Variants in DLC1 observed in about 807,000 individuals in gnomAD.
DLC1 encodes the protein rho GTPase-activating protein 7.
In DLC1, 54 loss-of-function variants were observed where a neutral mutation model predicts 140.3. The observed-to-expected ratio is 0.38, with a 90% confidence interval of 0.31 to 0.48. The LOEUF is 0.48. Among genes scored for constraint, DLC1 ranks in the 20% least tolerant of loss-of-function variants. The pLI, the probability that DLC1 is intolerant of heterozygous loss-of-function variation, is 0.96. For missense variants in DLC1, 2,536 were observed against 1,907.0 expected, an observed-to-expected ratio of 1.33 and a Z score of -6.14; for synonymous variants, 986 against 728.1, an observed-to-expected ratio of 1.35 and a Z score of -5.70.
At chr8:13,441,514 C>G (rs1798509616) in intron 2 of DLC1, among the ~76,000 whole-genome samples, 1 of 152,206 alleles carries the variant, frequency 6.6e-6, no homozygotes, top group Non-Finnish European at 1.5e-5. Flanking sequence ...AGCAAAGTCT[C>G]AGGATACAAA....
At chr8:13,455,926 A>G in intron 2 of DLC1, among the ~76,000 whole-genome samples, 1 of 152,212 alleles carries the variant, frequency 6.6e-6, no homozygotes, top group East Asian at 1.9e-4. Flanking sequence ...TATGGAACTG[A>G]AACAATGTAG....
intron 5 of DLC1, among the ~76,000 whole-genome samples, chr8:13,283,662 A>C (rs932756034): frequency 1.3e-5 from 2 of 152,108 alleles, no homozygotes; most frequent in Non-Finnish European, 2.9e-5. Context: ...CTACAGGCGC[A>C]CACCACTATG....
intron 5 of DLC1, among the ~76,000 whole-genome samples, chr8:13,263,005 C>A (rs1454593835): frequency 6.6e-6 from 1 of 152,146 alleles, no homozygotes; most frequent in African/African-American, 2.4e-5. Flanking sequence ...TGAAGTGTTA[C>A]TAGTGCATTT....
At chr8:13,099,295 G>C in intron 9 of DLC1, 52 bp downstream of exon 9, 1 of 1,561,274 alleles carries the variant, frequency 6.4e-7, no homozygotes, top group Non-Finnish European at 8.6e-7. Context: ...CACAGGCAAT[G>C]TCTTTCTGAC....
chr8:13,596,728 G>A (rs1177915237), intron 1 of DLC1, among the ~76,000 whole-genome samples: 2 of 151,842 alleles, frequency 1.3e-5, no homozygotes, highest in Admixed American at 6.6e-5. Flanking sequence ...TAAAACCCTG[G>A]CATATGGGCC....
intron 1 of DLC1, among the ~76,000 whole-genome samples, chr8:13,504,187 C>T (rs1001384660): frequency 4.1e-5 from 6 of 145,418 alleles, no homozygotes; most frequent in South Asian, 2.2e-4. Context: ...AGTGCAATGG[C>T]GCCATCTCAG....
chr8:13,273,557 T>C (rs1213380330), intron 5 of DLC1, among the ~76,000 whole-genome samples: 1 of 152,286 alleles, frequency 6.6e-6, no homozygotes, highest in African/African-American at 2.4e-5. Flanking sequence ...CTGTATATTG[T>C]TTATAAAAGG....
At chr8:13,195,367 A>G (rs2117043169) in intron 5 of DLC1, among the ~76,000 whole-genome samples, 1 of 152,326 alleles carries the variant, frequency 6.6e-6, no homozygotes, top group African/African-American at 2.4e-5. Context: ...TCATGTTCTT[A>G]CAGGTAGCAA....
intron 4 of DLC1, among the ~76,000 whole-genome samples, chr8:13,355,044 T>C (rs923430219): frequency 3.3e-5 from 5 of 151,970 alleles, no homozygotes; most frequent in African/African-American, 1.2e-4. Flanking sequence ...TTGGGAGAGT[T>C]ATAGTCATAA....
At position 13,401,597 on chromosome 8, in the gene DLC1, C is replaced by T. The variant is rs1563317299; in HGVS notation, c.1046G>A (p.Arg349Lys). 9.3e-6 allele frequency: 15 copies of T among 1,613,566 alleles called. No individual in the cohort carries two copies. Among genetic ancestry groups the T allele is most frequent in the South Asian group, 1.1e-5 (1 of 91,026 alleles). The change falls in exon 3 of 18, where the codon AGG becomes AAG. Residue 349 changes from arginine (R) to lysine (K), a missense_variant. Coordinates refer to ENST00000276297, the MANE Select transcript of DLC1 (RefSeq NM_182643.3). ...CAGCACCATGGAGTCCAGCCGCGCC[C>T]TATCTCGATCTTCTCTTATTTCCTG... ...KRKEIREDRD[R>K]ARLDSMVLLI... is the part of the protein sequence containing the mutation.
chr8:13,491,821 C>T (rs1010392644), intron 2 of DLC1, among the ~76,000 whole-genome samples: 4 of 152,268 alleles, frequency 2.6e-5, no homozygotes, highest in Middle Eastern at 3.4e-3. Context: ...AGTTCTTCTG[C>T]ATCTTTATAA....
intron 2 of DLC1, among the ~76,000 whole-genome samples, chr8:13,448,062 T>C (rs1798866009): frequency 1.3e-5 from 2 of 152,216 alleles, no homozygotes; most frequent in African/African-American, 4.8e-5. Context: ...ATGACTTTAC[T>C]ATGCTGAAGA....
At chr8:13,442,184 A>T (rs1032493110) in intron 2 of DLC1, among the ~76,000 whole-genome samples, 1 of 152,220 alleles carries the variant, frequency 6.6e-6, no homozygotes, top group Non-Finnish European at 1.5e-5. Context: ...CTTTCCTTAC[A>T]CCTTAGACAA....
intron 5 of DLC1, among the ~76,000 whole-genome samples, chr8:13,245,804 G>A (rs1245975311): frequency 3.3e-5 from 5 of 152,048 alleles, no homozygotes; most frequent in Non-Finnish European, 7.4e-5. Flanking sequence ...GGGTTCAAGC[G>A]ATTCTCTTGC....
In DLC1 at chr8:13,369,973, T is replaced by C. The variant is rs527279106; in HGVS notation, c.1314+23580A>G. Among the ~76,000 whole-genome samples, 148 of 149,896 alleles carry C rather than the reference T, an allele frequency of 9.9e-4. 3 individuals are homozygous for C. Among genetic ancestry groups the C allele is most frequent in the African/African-American group, 3.5e-3 (144 of 40,742 alleles). On this transcript the variant is annotated intron_variant, in intron 4 of 17. Coordinates refer to ENST00000276297, the MANE Select transcript of DLC1 (RefSeq NM_182643.3). ...CAAAGTCCCTACAAGGCCTCTGAGG[T>C]CTTTGGGACTGGTCACTCCTCCTCG...
chr8:13,389,303 T>TATTA (rs1181656254), intron 4 of DLC1, among the ~76,000 whole-genome samples: 5 of 152,106 alleles, frequency 3.3e-5, no homozygotes, highest in African/African-American at 1.2e-4. Context: ...AACAATCCTA[T>TATTA]ATTAATACCA....
chr8:13,140,627 A>G (rs1186295925), intron 5 of DLC1, among the ~76,000 whole-genome samples: 2 of 151,986 alleles, frequency 1.3e-5, no homozygotes, highest in Non-Finnish European at 2.9e-5. Flanking sequence ...CATTTCTTAT[A>G]CAAATATTTT....
chr8:13,453,386 G>GAATATATATATATAT, intron 2 of DLC1, among the ~76,000 whole-genome samples: 1 of 55,556 alleles, frequency 1.8e-5, no homozygotes, highest in East Asian at 1.7e-3. Context: ...AGATGGCCCA[G>GAATATATATATATAT]GATATATATA....
chr8:13,598,047 G>A (rs1805739691), intron 1 of DLC1, among the ~76,000 whole-genome samples: 1 of 152,040 alleles, frequency 6.6e-6, no homozygotes, highest in South Asian at 2.1e-4. Flanking sequence ...GGTCTGTCCT[G>A]TTTCTAAGTA....
Sources: gnomAD v4.1 joint callset for allele counts (sites outside exome capture counted in the v4.1 genomes callset) on GRCh38, gnomAD v4.1.1 for gene constraint, MANE v1.5 for transcripts, NCBI Gene and HGNC (gene_info 2026-07-23, HGNC 2026-07-21) for gene names.